The following EVC2 variants were observed in gnomAD, a reference collection of about 807,000 sequenced individuals.
The protein encoded by EVC2 is EvC ciliary complex subunit 2.
Under a neutral mutation model 149.3 loss-of-function variants are expected in EVC2, and 148 were observed. The observed-to-expected ratio is 0.99, with a 90% CI of 0.87 to 1.14. The LOEUF (loss-of-function observed/expected upper bound fraction) is 1.14, where lower values mean the gene tolerates loss of function less well. EVC2 is among the 50% of genes most tolerant of loss of function. EVC2 has a pLI of 0.00. For synonymous variants in EVC2, 776 were observed against 649.9 expected, an observed-to-expected ratio of 1.19 and a Z score of -2.95; for missense variants, 1,854 against 1,627.3, an observed-to-expected ratio of 1.14 and a Z score of -2.40.
At chr4:5,611,073 T>C (rs1577154478) in intron 16 of EVC2, among the ~76,000 whole-genome samples, 1 of 152,140 alleles carries the variant, frequency 6.6e-6, no homozygotes, top group African/African-American at 2.4e-5. Flanking sequence ...CTCTGCATCA[T>C]GGAGATCCTC....
intron 9 of EVC2, among the ~76,000 whole-genome samples, chr4:5,652,284 G>C (rs1464341482): frequency 6.6e-6 from 1 of 152,218 alleles, no homozygotes; most frequent in Non-Finnish European, 1.5e-5. Context: ...GGTGAGGAGA[G>C]GCTGCGTCAG....
chr4:5,563,512 A>G (rs1306176567), intron 21 of EVC2, among the ~76,000 whole-genome samples: 2 of 152,080 alleles, frequency 1.3e-5, no homozygotes, highest in Admixed American at 6.5e-5. Flanking sequence ...ATGCCCAGCT[A>G]ATTTCTTTTA....
At position 5,610,686 on chromosome 4, in the gene EVC2, C is replaced by T. The variant is rs942700090; in HGVS notation, c.2829+4736G>A. ...TCCCCATCCCTTGAAGGCCTCTGCTCACCTCCCAGGCTCACCTGCCGGGCT... is the reference window on the plus strand; with the variant it reads ...TCCCCATCCCTTGAAGGCCTCTGCTTACCTCCCAGGCTCACCTGCCGGGCT... On this transcript the variant is annotated intron_variant, in intron 16 of 21. Transcript: ENST00000344408. Among the ~76,000 whole-genome samples, 9 of 152,256 alleles carry T rather than the reference C, an allele frequency of 5.9e-5. No individual in the cohort carries two copies. The South Asian group carries it at 1.0e-3, about 18-fold the overall frequency.
At position 5,584,868 on chromosome 4, in the gene EVC2, T is replaced by A. The variant is rs768027668; in HGVS notation, c.2830-18A>T. On this transcript the variant is annotated intron_variant, in intron 16 of 21. Transcript: ENST00000344408. ...CCTCGAACCTGGGAGGGGACAGGGA[T>A]GGACCCAAACCCAGAGAGCAGTGAG... 2 of 1,613,868 alleles carry A rather than the reference T, an allele frequency of 1.2e-6. No individual in the cohort carries two copies.
intron 1 of EVC2, among the ~76,000 whole-genome samples, chr4:5,697,877 C>T (rs1170611960): frequency 6.6e-6 from 1 of 151,816 alleles, no homozygotes; most frequent in Non-Finnish European, 1.5e-5. Context: ...TCCCGAGTAG[C>T]TGGGACTACA....
Position 5,631,844 on chromosome 4 carries a change from TTCCC to T in EVC2, c.1655_1658del (p.Gly552AspfsTer2), listed in dbSNP as rs1159758018. On this transcript the variant is annotated frameshift_variant, in exon 11 of 22. Coordinates refer to ENST00000344408, the MANE Select transcript of EVC2 (RefSeq NM_147127.5). LOFTEE classifies it high-confidence loss of function. ...GCATTTTAGCTGCCTCTGGTTTCAA[TTCCC>T]CTTTGAAAATAGCACTTTTTATCTG... 6.2e-7 allele frequency: 1 copy of T among 1,614,106 alleles called. No homozygotes were observed. The highest frequency in any genetic ancestry group is 2.2e-5 in the East Asian group (1 of 44,900).
rs1716934284 is a variant in EVC2, at chr4:5,637,093, A to G, written c.1470+3421T>C. Reference sequence around the variant, plus strand: ...CAGGCTGCAGAAAAGCCCTGGAGAGAGCAGGGTCAGGAAGCCCTGAGGAGG... The same window carrying G: ...CAGGCTGCAGAAAAGCCCTGGAGAGGGCAGGGTCAGGAAGCCCTGAGGAGG... On this transcript the variant is annotated intron_variant, in intron 10 of 21. Transcript: ENST00000344408. The surrounding 1 kb of genome is among the most constrained non-coding windows in gnomAD (Gnocchi z 4.4). Among the ~76,000 whole-genome samples the G allele has an allele frequency of 6.6e-6, 1 of 152,136 alleles. No individual in the cohort carries two copies. Among genetic ancestry groups the G allele is most frequent in the Non-Finnish European group, 1.5e-5 (1 of 68,014 alleles).
At chr4:5,668,275 G>C (rs1719403760) in intron 7 of EVC2, among the ~76,000 whole-genome samples, 1 of 152,200 alleles carries the variant, frequency 6.6e-6, no homozygotes, top group Admixed American at 6.5e-5. Flanking sequence ...TCAAAGCTAA[G>C]TTAGGTCAAA....
intron 9 of EVC2, among the ~76,000 whole-genome samples, chr4:5,654,242 T>C (rs1718351737): frequency 6.6e-6 from 1 of 152,072 alleles, no homozygotes; most frequent in Non-Finnish European, 1.5e-5. Context: ...AAACAGCCTA[T>C]ATATCCTATA....
chr4:5,705,610 A>G (rs891130936), intron 1 of EVC2, among the ~76,000 whole-genome samples: 4 of 152,144 alleles, frequency 2.6e-5, no homozygotes, highest in East Asian at 1.9e-4. Context: ...GAAGAATGGC[A>G]TTTTTTTACA....
chr4:5,568,758 T>G, intron 19 of EVC2, 118 bp from the exon 20 acceptor site: 1 of 1,202,430 alleles, frequency 8.3e-7, no homozygotes, highest in Non-Finnish European at 1.2e-6. Context: ...TTCAGTAGCT[T>G]AGTCTGGAAA....
At chr4:5,687,215 C>T (rs1021690934) in intron 5 of EVC2, among the ~76,000 whole-genome samples, 2 of 152,090 alleles carry the variant, frequency 1.3e-5, no homozygotes, top group Non-Finnish European at 1.5e-5. Context: ...CGAGATTGTG[C>T]CACTGCACTC....
In EVC2 at chr4:5,577,662, G is replaced by A. The variant is rs140397855; in HGVS notation, c.3058-1208C>T. The stretch of plus-strand genomic sequence containing the variant: ...CAAGAACCATGACAGAAGAAAATCC[G>A]CCAGAGATAGACTGCATCTCTCTAT... On this transcript the variant is annotated intron_variant, in intron 17 of 21. Coordinates refer to ENST00000344408, the MANE Select transcript of EVC2 (RefSeq NM_147127.5). Among the ~76,000 whole-genome samples, 228 of 152,254 alleles carry A rather than the reference G, an allele frequency of 1.5e-3. 5 individuals are homozygous for A. The East Asian group carries it at 0.022, about 15-fold the overall frequency.
At chr4:5,699,828 A>T (rs536659304) in intron 1 of EVC2, among the ~76,000 whole-genome samples, 7 of 152,046 alleles carry the variant, frequency 4.6e-5, no homozygotes, top group African/African-American at 1.7e-4. Flanking sequence ...CTCTGAAAAA[A>T]ATAAATAATA....
intron 18 of EVC2, among the ~76,000 whole-genome samples, chr4:5,575,121 C>T (rs1722845673): frequency 1.3e-5 from 2 of 152,180 alleles, no homozygotes; most frequent in Admixed American, 1.3e-4. Context: ...GATCTGGGGT[C>T]TACACCCACC....
At chr4:5,708,969 C>T (rs1199132974), upstream of EVC2, 1 of 155,116 alleles carries the variant, frequency 6.4e-6, no homozygotes, top group Non-Finnish European at 1.4e-5. Context: ...CTGGAGCACC[C>T]AGAAGGTTCA....
Position 5,562,531 on chromosome 4 carries a change from A to C in EVC2, c.*317T>G. On this transcript the variant is annotated 3_prime_UTR_variant, in exon 22 of 22. Coordinates refer to ENST00000344408, the MANE Select transcript of EVC2 (RefSeq NM_147127.5). This position sits in a 1 kb window ranked among gnomAD's most constrained non-coding sequence, Gnocchi z 4.3. ...CATAAGAGTAGAGAATCTGGCTGTC[A>C]CCACACAGACCATAGCTTCTGCAGC... 8.1e-7 allele frequency: 1 copy of C among 1,241,528 alleles called. No individual in the cohort carries two copies. Among genetic ancestry groups the C allele is most frequent in the Non-Finnish European group, 1.0e-6 (1 of 986,354 alleles). The allele number at this position is 1,241,528 out of a possible 1,614,324, so 76.9% of individuals were successfully genotyped here.
chr4:5,631,815 A>G lies in EVC2; in HGVS notation c.1688T>C (p.Leu563Pro), dbSNP rs774155629. 5.6e-6 allele frequency: 9 copies of G among 1,613,964 alleles called. No individual in the cohort carries two copies. Among genetic ancestry groups the G allele is most frequent in the African/African-American group, 1.3e-5 (1 of 74,960 alleles). Residue 563 changes from leucine (L) to proline (P), a missense_variant, in exon 11 of 22, where the codon CTG (leucine) becomes CCG (proline). Transcript: ENST00000344408. The part of the protein sequence containing the change: ...ELKPEAAKML[L>P]QNYSKIQENV... ...TACCTGTATTTTAGAATAATTTTGC[A>G]GCAGCATTTTAGCTGCCTCTGGTTT...
At chr4:5,553,786 C>T (rs918519919) in intron 21 of EVC2, among the ~76,000 whole-genome samples, 4 of 152,088 alleles carry the variant, frequency 2.6e-5, no homozygotes, top group South Asian at 2.1e-4. Flanking sequence ...GACCTCACAG[C>T]GTGCCAGAAC....
Sources: allele counts gnomAD v4.1 joint callset (sites outside exome capture counted in the v4.1 genomes callset), GRCh38; gene constraint gnomAD v4.1.1; non-coding constraint Gnocchi (gnomAD v3.1); transcripts MANE v1.5; gene names NCBI Gene and HGNC (gene_info 2026-07-23, HGNC 2026-07-21).